The following CDR2L variants were observed in gnomAD, a reference collection of about 807,000 sequenced individuals.
The protein encoded by CDR2L is cerebellar degeneration-related protein 2-like.
CDR2L carries 19 observed loss-of-function variants against 36.1 expected under a neutral mutation model. That is an observed-to-expected ratio of 0.53 (90% CI 0.37 to 0.77). The LOEUF is 0.77. Ranked by LOEUF, CDR2L falls within the 30% of genes least tolerant of loss-of-function variation. CDR2L has a pLI of 0.00. For synonymous variants in CDR2L, 285 were observed against 280.4 expected (o/e 1.02, Z -0.16); for missense variants, 575 against 627.2 (o/e 0.92, Z 0.89).
chr17:74,987,692 G>T lies in CDR2L; in HGVS notation c.-352G>T, dbSNP rs1033768462. On this transcript the variant is annotated 5_prime_UTR_variant, in exon 1 of 5. Coordinates refer to ENST00000337231, the MANE Select transcript of CDR2L (RefSeq NM_014603.3). ...GCCAGGAGCAGCGCGGACCCGAGCC[G>T]GGCAGGGGGCGCCCGCCACGGCACC... 1 of 159,060 alleles carries T rather than the reference G, an allele frequency of 6.3e-6. No individual in the cohort carries two copies. The highest frequency in any genetic ancestry group is 1.8e-4 in the East Asian group (1 of 5,504). The allele number at this position is 159,060 out of a possible 1,614,324, so 9.9% of individuals were successfully genotyped here.
Position 75,003,603 on chromosome 17 carries a change from A to T in CDR2L, c.927A>T (p.Pro309=). The change falls in exon 5 of 5, where the codon CCA becomes CCT. Residue 309 remains proline, a synonymous_variant. Coordinates refer to ENST00000337231, the MANE Select transcript of CDR2L (RefSeq NM_014603.3). ...GGGTCTCCTCACCGGCAGCCTCTCC[A>T]GGCCACGTGGTGCGCAAGAGCTGCA... is the stretch of plus-strand genomic sequence containing the variant. ...QDGVSSPAAS[P]GHVVRKSCSD... 6.7e-7 allele frequency: 1 copy of T among 1,496,308 alleles called. No individual in the cohort carries two copies. The highest frequency in any genetic ancestry group is 8.9e-7 in the Non-Finnish European group (1 of 1,123,146). The allele number at this position is 1,496,308 out of a possible 1,614,324, so 92.7% of individuals were successfully genotyped here.
chr17:74,994,050 T>A (rs2039811678), intron 1 of CDR2L, among the ~76,000 whole-genome samples: 1 of 152,110 alleles, frequency 6.6e-6, no homozygotes, highest in Non-Finnish European at 1.5e-5. Context: ...CAAGAGTCAC[T>A]GCTTGCCTGG....
At position 74,988,101 on chromosome 17, in the gene CDR2L, G is replaced by A. The variant is rs991569804; in HGVS notation, c.58G>A (p.Asp20Asn). ...FSAEEEESWYDQQDLEQDLHL... is the reference protein window; with the variant it reads ...FSAEEEESWYNQQDLEQDLHL... Reference sequence around the variant, plus strand: ...CGCGGAGGAAGAGGAGTCCTGGTACGACCAGCAGGACCTGGAGCAGGGTGA... The same window carrying A: ...CGCGGAGGAAGAGGAGTCCTGGTACAACCAGCAGGACCTGGAGCAGGGTGA... Residue 20 changes from aspartate to asparagine, a missense_variant, in exon 1 of 5, where the codon GAC becomes AAC. Transcript: ENST00000337231. 7.2e-6 allele frequency: 11 copies of A among 1,532,756 alleles called. No individual in the cohort carries two copies. The African/African-American group carries it at 1.4e-4, about 20-fold the overall frequency. 94.9% of individuals were successfully genotyped at this position (1,532,756 alleles called of 1,614,324 possible).
chr17:75,001,379 C>T lies in CDR2L; in HGVS notation c.231C>T (p.Asn77=), dbSNP rs1412041876. The T allele has an allele frequency of 6.2e-6, 10 of 1,611,342 alleles. No individual in the cohort carries two copies. The highest frequency in any genetic ancestry group is 7.6e-6 in the Non-Finnish European group (9 of 1,179,018). The change falls in exon 3 of 5, where the codon AAC becomes AAT. Residue 77 remains asparagine (N), a synonymous_variant. Transcript: ENST00000337231. ...AGCTGGACACGCTGCGGCACGTGAA[C>T]GAGCAGCACGCCAAAGTCTATGAGC... ...TKQLDTLRHV[N]EQHAKVYEQL...
At chr17:75,001,517 C>A (rs765581928) in intron 3 of CDR2L, 28 bp downstream of exon 3, 5 of 1,498,342 alleles carry the variant, frequency 3.3e-6, no homozygotes, top group Non-Finnish European at 4.4e-6. Flanking sequence ...GGCTGGGGGG[C>A]GGGCGAGGGA....
intron 3 of CDR2L, 125 bp from the exon 4 acceptor site, chr17:75,001,939 G>A (rs1480109965): frequency 2.6e-6 from 2 of 783,720 alleles, no homozygotes; most frequent in African/African-American, 1.8e-5. Context: ...GGACCAGACA[G>A]CGGCTCAAGG....
chr17:74,993,875 C>T (rs185102230), intron 1 of CDR2L, among the ~76,000 whole-genome samples: 7 of 152,316 alleles, frequency 4.6e-5, no homozygotes, highest in Admixed American at 2.0e-4. Context: ...GTTTCAAAAC[C>T]TCACCTCTGT....
rs187267049 is a variant in CDR2L at position 74,992,358 on chromosome 17, T to G, written c.79+4236T>G. On this transcript the variant is annotated intron_variant, in intron 1 of 4. Coordinates refer to ENST00000337231, the MANE Select transcript of CDR2L (RefSeq NM_014603.3). ...AGGTGCCAACCCAGACTTAATGTTGTTTTTTTTTTTTCTTTTGACCTGCAC... is the reference window on the plus strand; with the variant it reads ...AGGTGCCAACCCAGACTTAATGTTGGTTTTTTTTTTTCTTTTGACCTGCAC... Among the ~76,000 whole-genome samples the G allele has an allele frequency of 2.1e-3, 291 of 141,510 alleles. 3 individuals are homozygous for G. The highest frequency in any genetic ancestry group is 7.2e-3 in the African/African-American group (264 of 36,562). 92.8% of individuals were successfully genotyped at this position (141,510 alleles called of 152,430 possible).
Position 75,004,317 on chromosome 17 carries a change from T to G in CDR2L, c.*243T>G. 2 of 448,520 alleles carry G rather than the reference T, an allele frequency of 4.5e-6. No individual in the cohort carries two copies. Among genetic ancestry groups the G allele is most frequent in the Non-Finnish European group, 4.0e-6 (1 of 252,138 alleles). The allele number at this position is 448,520 out of a possible 1,614,324, so 27.8% of individuals were successfully genotyped here. On this transcript the variant is annotated 3_prime_UTR_variant, in exon 5 of 5. Transcript: ENST00000337231. The stretch of plus-strand genomic sequence containing the variant: ...GCAGCTCTGAGTTCAAAGCCAAATG[T>G]CCCCACTACCCCAGGGATCCCCCAG...
At position 74,989,335 on chromosome 17, in the gene CDR2L, C is replaced by A. The variant is rs916466361; in HGVS notation, c.79+1213C>A. 6.6e-6 allele frequency among the ~76,000 whole-genome samples: 1 copy of A among 151,788 alleles called. No individual in the cohort carries two copies. The highest frequency in any genetic ancestry group is 2.4e-5 in the African/African-American group (1 of 41,274). Reference sequence around the variant, plus strand: ...CCAGGGTGGGACTGGGGATGCTGGACTAGGCCCTGCCATGGTCTGTGCCCT... The same window carrying A: ...CCAGGGTGGGACTGGGGATGCTGGAATAGGCCCTGCCATGGTCTGTGCCCT... On this transcript the variant is annotated intron_variant, in intron 1 of 4. Coordinates refer to ENST00000337231, the MANE Select transcript of CDR2L (RefSeq NM_014603.3). This position sits in a 1 kb window ranked among gnomAD's most constrained non-coding sequence, Gnocchi z 4.2.
intron 1 of CDR2L, among the ~76,000 whole-genome samples, chr17:74,995,814 T>G (rs2039821457): frequency 6.6e-6 from 1 of 152,132 alleles, no homozygotes; most frequent in Non-Finnish European, 1.5e-5. Flanking sequence ...AAATCACCAG[T>G]TTTTAACCTT....
At position 75,002,833 on chromosome 17, in the gene CDR2L, G is replaced by A. The variant is rs2039875140; in HGVS notation, c.507-350G>A. Among the ~76,000 whole-genome samples, 1 of 152,138 alleles carries A rather than the reference G, an allele frequency of 6.6e-6. No homozygotes were observed. The highest frequency in any genetic ancestry group is 6.5e-5 in the Admixed American group (1 of 15,272). On this transcript the variant is annotated intron_variant, in intron 4 of 4. Transcript: ENST00000337231. The surrounding 1 kb of genome is among the most constrained non-coding windows in gnomAD (Gnocchi z 4.1). ...GAAGGGAGGTTACCGGCACCTGGAA[G>A]GTATGGAGAAGGCTGCCTGGTCACC...
At chr17:74,998,621 G>A (rs1461837252) in intron 1 of CDR2L, among the ~76,000 whole-genome samples, 1 of 152,184 alleles carries the variant, frequency 6.6e-6, no homozygotes, top group South Asian at 2.1e-4. Flanking sequence ...AAGTGCTAAG[G>A]AGAAAGATGA....
intron 1 of CDR2L, among the ~76,000 whole-genome samples, chr17:74,995,516 TG>T (rs1309219663): frequency 6.6e-6 from 1 of 152,022 alleles, no homozygotes; most frequent in Non-Finnish European, 1.5e-5. Context: ...TTGTTTGTTT[TG>T]TTTTTTTGAG....
intron 1 of CDR2L, among the ~76,000 whole-genome samples, 175 bp downstream of exon 1, chr17:74,988,297 G>A (rs1949467759): frequency 6.6e-6 from 1 of 152,334 alleles, no homozygotes; most frequent in Non-Finnish European, 1.5e-5. Context: ...CGCTGCCGGA[G>A]AAGACGCGGA....
At position 74,988,811 on chromosome 17, in the gene CDR2L, G is replaced by C. The variant is rs576193451; in HGVS notation, c.79+689G>C. 3.3e-5 allele frequency among the ~76,000 whole-genome samples: 5 copies of C among 152,296 alleles called. No individual in the cohort carries two copies. The East Asian group carries it at 9.7e-4, about 29-fold the overall frequency. On this transcript the variant is annotated intron_variant, in intron 1 of 4. Coordinates refer to ENST00000337231, the MANE Select transcript of CDR2L (RefSeq NM_014603.3). ...TGCCAGGCGAGAGACCGAATAAAGA[G>C]GGATACATCTCCGCTGCCCCCAGTT... is the stretch of plus-strand genomic sequence containing the variant.
intron 1 of CDR2L, among the ~76,000 whole-genome samples, chr17:74,991,610 G>T (rs376186898): frequency 6.6e-6 from 1 of 151,874 alleles, no homozygotes; most frequent in Non-Finnish European, 1.5e-5. Context: ...CCAGCTACTC[G>T]GGAGGCTGAT....
intron 1 of CDR2L, among the ~76,000 whole-genome samples, chr17:74,990,017 T>C (rs1598650872): frequency 6.6e-6 from 1 of 152,228 alleles, no homozygotes; most frequent in East Asian, 1.9e-4. Context: ...AACTGAGTTC[T>C]TGAGAAGATG....
chr17:74,999,007 A>G (rs1411775214), intron 1 of CDR2L, among the ~76,000 whole-genome samples: 1 of 152,188 alleles, frequency 6.6e-6, no homozygotes, highest in Non-Finnish European at 1.5e-5. Flanking sequence ...AACAGGGCCC[A>G]GCCAGCATGC....
Sources: allele counts gnomAD v4.1 joint callset (sites outside exome capture counted in the v4.1 genomes callset), GRCh38; gene constraint gnomAD v4.1.1; non-coding constraint Gnocchi (gnomAD v3.1); transcripts MANE v1.5; gene names NCBI Gene and HGNC (gene_info 2026-07-23, HGNC 2026-07-21).